PDE10A: variants seen among roughly 807,000 people sequenced by gnomAD.
PDE10A encodes the protein phosphodiesterase 10A.
Under a neutral mutation model 97.7 loss-of-function variants are expected in PDE10A, and 39 were observed. The ratio of observed to expected loss-of-function variants is 0.40; its 90% confidence interval spans 0.31 to 0.52. The LOEUF (loss-of-function observed/expected upper bound fraction) is 0.52. PDE10A is among the 20% of genes least tolerant of loss of function. PDE10A has a pLI of 0.56. For synonymous variants in PDE10A, 371 were observed against 376.8 expected, an observed-to-expected ratio of 0.98 and a Z score of 0.18; for missense variants, 731 against 1,047.8, an observed-to-expected ratio of 0.70 and a Z score of 4.17.
intron 1 of PDE10A, among the ~76,000 whole-genome samples, chr6:165,546,757 GA>G (rs1783762646): frequency 6.6e-6 from 1 of 152,096 alleles, no homozygotes; most frequent in Admixed American, 6.5e-5. Context: ...ACAAAAGGAA[GA>G]GTTCAGAATG....
intron 1 of PDE10A, among the ~76,000 whole-genome samples, chr6:165,958,518 A>AAAG (rs1784220056): frequency 7.7e-5 from 1 of 13,046 alleles, no homozygotes; most frequent in African/African-American, 4.3e-4. Flanking sequence ...AGAAAGAAAG[A>AAAG]AAGAAAGAAA....
At chr6:165,374,902 T>C (rs986477624) in intron 18 of PDE10A, among the ~76,000 whole-genome samples, 7 of 152,176 alleles carry the variant, frequency 4.6e-5, no homozygotes, top group Non-Finnish European at 8.8e-5. Context: ...CTCATTATTT[T>C]ATTGTATCAG....
intron 1 of PDE10A, among the ~76,000 whole-genome samples, chr6:165,810,410 C>T (rs1412464254): frequency 1.3e-5 from 2 of 152,190 alleles, no homozygotes; most frequent in Admixed American, 1.3e-4. Context: ...TCTTCCTCCT[C>T]CTGGGTTACC....
chr6:165,362,755 C>T (rs925998451), intron 18 of PDE10A, among the ~76,000 whole-genome samples: 1 of 152,008 alleles, frequency 6.6e-6, no homozygotes, highest in Non-Finnish European at 1.5e-5. Context: ...AAGACAAATA[C>T]CACAAAAAAG....
intron 3 of PDE10A, among the ~76,000 whole-genome samples, chr6:165,465,679 C>T (rs1314929072): frequency 6.6e-6 from 1 of 152,092 alleles, no homozygotes; most frequent in Admixed American, 6.6e-5. Flanking sequence ...GAGAATGAGT[C>T]CTGAGCAAAG....
At chr6:165,535,094 G>T (rs1783000288) in intron 2 of PDE10A, among the ~76,000 whole-genome samples, 1 of 152,068 alleles carries the variant, frequency 6.6e-6, no homozygotes, top group South Asian at 2.1e-4. Flanking sequence ...ATTCAGTAAA[G>T]TTGCAGGATA....
intron 1 of PDE10A, among the ~76,000 whole-genome samples, chr6:165,879,373 T>A (rs1419947831): frequency 6.6e-6 from 1 of 152,172 alleles, no homozygotes; most frequent in Non-Finnish European, 1.5e-5. Context: ...AGCAAAATAC[T>A]TGGCAGCAGA....
At chr6:165,912,437 T>G (rs1037852499) in intron 1 of PDE10A, among the ~76,000 whole-genome samples, 4 of 152,162 alleles carry the variant, frequency 2.6e-5, no homozygotes, top group Non-Finnish European at 4.4e-5. Context: ...CAGCTGAGGG[T>G]GGACAAGGCA....
intron 1 of PDE10A, among the ~76,000 whole-genome samples, chr6:165,867,734 A>G (rs1418800712): frequency 6.6e-6 from 1 of 152,086 alleles, no homozygotes; most frequent in African/African-American, 2.4e-5. Context: ...CATTCTCCTT[A>G]TCAGCACATA....
At chr6:165,558,139 A>G (rs1784349860) in intron 1 of PDE10A, among the ~76,000 whole-genome samples, 1 of 152,216 alleles carries the variant, frequency 6.6e-6, no homozygotes, top group Non-Finnish European at 1.5e-5. Flanking sequence ...ATGCTGCTAT[A>G]AAGACACATG....
At chr6:165,868,751 A>G (rs1381228645) in intron 1 of PDE10A, among the ~76,000 whole-genome samples, 2 of 152,142 alleles carry the variant, frequency 1.3e-5, no homozygotes, top group Non-Finnish European at 2.9e-5. Flanking sequence ...CTTGATGAAC[A>G]TAGATGCAAA....
At chr6:165,487,197 T>G (rs1274597992) in intron 2 of PDE10A, among the ~76,000 whole-genome samples, 1 of 152,168 alleles carries the variant, frequency 6.6e-6, no homozygotes, top group African/African-American at 2.4e-5. Context: ...AAAGTCCAGG[T>G]AGAATATCCT....
chr6:165,800,393 G>A (rs7765722), intron 1 of PDE10A, among the ~76,000 whole-genome samples: 1 of 152,014 alleles, frequency 6.6e-6, no homozygotes, highest in African/African-American at 2.4e-5. Context: ...CATGTGAGAT[G>A]TGCACACAGA....
chr6:165,635,431 A>C (rs1045906245), intron 1 of PDE10A, among the ~76,000 whole-genome samples: 1 of 152,116 alleles, frequency 6.6e-6, no homozygotes, highest in Non-Finnish European at 1.5e-5. Flanking sequence ...AAAATGTCAG[A>C]GATGGGGTTT....
Position 165,802,237 on chromosome 6 carries a change from G to T in PDE10A, c.-615+185292C>A, listed in dbSNP as rs142822816. Reference sequence around the variant, plus strand: ...TTATCCATTTGCACACTCCAGTGAGGTTCACTTTCTTCCCACATGACTTCT... The same window carrying T: ...TTATCCATTTGCACACTCCAGTGAGTTTCACTTTCTTCCCACATGACTTCT... On this transcript the variant is annotated intron_variant, in intron 1 of 19. Coordinates refer to the PDE10A transcript ENST00000366882. Among the ~76,000 whole-genome samples the T allele has an allele frequency of 3.0e-3, 452 of 152,230 alleles. 1 individual carries two copies. Among genetic ancestry groups the T allele is most frequent in the African/African-American group, 0.011 (442 of 41,530 alleles).
intron 1 of PDE10A, among the ~76,000 whole-genome samples, chr6:165,587,090 T>C: frequency 6.6e-6 from 1 of 151,824 alleles, no homozygotes; most frequent in Admixed American, 6.6e-5. Flanking sequence ...GCAGGGGAAG[T>C]GGAAAAGGAG....
chr6:165,541,592 C>A (rs1783441824), intron 2 of PDE10A, among the ~76,000 whole-genome samples: 1 of 152,096 alleles, frequency 6.6e-6, no homozygotes, highest in African/African-American at 2.4e-5. Context: ...CACTATTATC[C>A]CTCATTATAT....
chr6:165,514,559 G>T (rs906827045), intron 2 of PDE10A, among the ~76,000 whole-genome samples: 1 of 152,182 alleles, frequency 6.6e-6, no homozygotes, highest in Non-Finnish European at 1.5e-5. Context: ...CTGCACATGT[G>T]CATATCTTCA....
intron 1 of PDE10A, among the ~76,000 whole-genome samples, chr6:165,951,152 A>G (rs963065331): frequency 6.6e-6 from 1 of 152,228 alleles, no homozygotes; most frequent in East Asian, 1.9e-4. Context: ...AGGGATCTGA[A>G]AAACTACCTC....
Sources: gnomAD v4.1 joint callset for allele counts (sites outside exome capture counted in the v4.1 genomes callset) on GRCh38, gnomAD v4.1.1 for gene constraint, MANE v1.5 for transcripts, NCBI Gene and HGNC (gene_info 2026-07-23, HGNC 2026-07-21) for gene names.